Variants in SEMA4B observed in about 807,000 individuals in gnomAD.
The protein encoded by SEMA4B is semaphorin 4B, also known as semaphorin-4B.
Under a neutral mutation model 88.1 loss-of-function variants are expected in SEMA4B, and 55 were observed. The observed-to-expected ratio is 0.62, with a 90% confidence interval of 0.50 to 0.78. SEMA4B has a LOEUF of 0.78. SEMA4B is among the 30% of genes least tolerant of loss of function. The pLI, the probability that SEMA4B is intolerant of heterozygous loss-of-function variation, is 0.00. For missense variants in SEMA4B, 1,062 were observed against 1,111.9 expected (o/e 0.96, Z 0.64); for synonymous variants, 525 against 473.6 (o/e 1.11, Z -1.41).
chr15:90,214,306 CA>C (rs111560034), intron 1 of SEMA4B, among the ~76,000 whole-genome samples: 3,106 of 129,500 alleles, frequency 0.024, 117 homozygotes, highest in African/African-American at 0.088. Flanking sequence ...CCAGCCTGGA[CA>C]ACAAGAGAGA....
chr15:90,198,495 G>T (rs971664205), upstream of SEMA4B, among the ~76,000 whole-genome samples: 5 of 152,180 alleles, frequency 3.3e-5, no homozygotes, highest in African/African-American at 1.2e-4. Flanking sequence ...TATATCGTAT[G>T]TTATTCAGTG....
chr15:90,219,669 T>C, intron 3 of SEMA4B, 124 bp from the exon 4 acceptor site: 1 of 673,526 alleles, frequency 1.5e-6, no homozygotes, highest in Non-Finnish European at 2.5e-6. Context: ...TTCCTAGACT[T>C]GAGTGCCCCA....
At chr15:90,203,809 C>T (rs1356273124) in intron 1 of SEMA4B, among the ~76,000 whole-genome samples, 5 of 152,214 alleles carry the variant, frequency 3.3e-5, no homozygotes, top group Admixed American at 6.5e-5. Flanking sequence ...ACCCCTTCTG[C>T]TATGTTCTTG....
chr15:90,214,946 A>G, intron 1 of SEMA4B: 1 of 1,272,308 alleles, frequency 7.9e-7, no homozygotes, highest in Non-Finnish European at 1.0e-6. Context: ...GGCTGGGGGT[A>G]TGTAAAAACA....
At chr15:90,195,227 G>A (rs1960464415) in intron 1 of SEMA4B, among the ~76,000 whole-genome samples, 1 of 151,972 alleles carries the variant, frequency 6.6e-6, no homozygotes, top group African/African-American at 2.4e-5. Flanking sequence ...TCAAGTAGCT[G>A]GGACTACAGG....
intron 3 of SEMA4B, 97 bp from the exon 4 acceptor site, chr15:90,219,696 C>A: frequency 1.1e-6 from 1 of 885,942 alleles, no homozygotes; most frequent in Non-Finnish European, 1.7e-6. Flanking sequence ...GTCCTGGGAG[C>A]AGAGGCCGGG....
chr15:90,190,285 A>C (rs1044802978), intron 1 of SEMA4B: 4 of 152,282 alleles, frequency 2.6e-5, no homozygotes, highest in African/African-American at 9.7e-5. Context: ...CAGGTGGTGC[A>C]TTCCTCAGAA....
At chr15:90,215,070 G>T in intron 1 of SEMA4B, 1 of 1,053,056 alleles carries the variant, frequency 9.5e-7, no homozygotes. Context: ...CCACTGGTCC[G>T]CTACAACGTG....
intron 1 of SEMA4B, among the ~76,000 whole-genome samples, chr15:90,194,555 T>C (rs562157833): frequency 2.2e-4 from 34 of 152,124 alleles, no homozygotes; most frequent in East Asian, 3.9e-4. Flanking sequence ...AAAAACATAT[T>C]GATCTGTTCT....
In SEMA4B at chr15:90,201,660, C is replaced by A; in HGVS notation, c.82C>A (p.Leu28Ile). Residue 28 changes from leucine (L) to isoleucine (I), a missense_variant, in exon 1 of 14, where the codon CTC becomes ATC. Coordinates refer to ENST00000411539, the MANE Select transcript of SEMA4B (RefSeq NM_198925.4). ...GCCGCCTCGGCCACCGCTGCTGCTG[C>A]TCCTGCTGCTGCTGCTCCTGCTGCA... The part of the protein sequence containing the change: ...ALPPRPPLLL[L>I]LLLLLLLQPP... The A allele has an allele frequency of 6.6e-7, 1 of 1,517,116 alleles. No homozygotes were observed. The highest frequency in any genetic ancestry group is 8.8e-7 in the Non-Finnish European group (1 of 1,139,858). 94.0% of individuals were successfully genotyped at this position (1,517,116 alleles called of 1,614,324 possible).
intron 1 of SEMA4B, among the ~76,000 whole-genome samples, chr15:90,210,430 A>T (rs1399237): frequency 2.0e-5 from 3 of 151,938 alleles, no homozygotes; most frequent in African/African-American, 7.3e-5. Flanking sequence ...GGCCAGGAGC[A>T]GACAGACCTA....
rs752606237 is a variant in SEMA4B at position 90,217,587 on chromosome 15, C to T, written c.306C>T (p.Gly102=). ...GTAGCAACCTCAGCTTCCTGCCAGG[C>T]GGGGAGTACCAGGAGGTGAGAGATG... ...ALSSNLSFLP[G]GEYQELLWGA... The change falls in exon 2 of 14, where the codon GGC becomes GGT. Residue 102 remains glycine (G), a synonymous_variant. Transcript: ENST00000411539. 1.2e-5 allele frequency: 19 copies of T among 1,613,520 alleles called. No individual in the cohort carries two copies. Among genetic ancestry groups the T allele is most frequent in the East Asian group, 2.2e-5 (1 of 44,894 alleles).
chr15:90,228,558 T>A lies in SEMA4B; in HGVS notation c.2429T>A (p.Ile810Asn). ...GAGTCAGAGAAGAGGCCACTCAGCA[T>A]CCAAGACAGCTTCGTGGAGGTATCC... ...FTESEKRPLS[I>N]QDSFVEVSPV... Residue 810 changes from isoleucine (I) to asparagine (N), a missense_variant, in exon 14 of 14, where the codon ATC becomes AAC. Transcript: ENST00000411539. The A allele has an allele frequency of 4.3e-6, 7 of 1,613,566 alleles. No homozygotes were observed. Among genetic ancestry groups the A allele is most frequent in the Non-Finnish European group, 5.9e-6 (7 of 1,179,828 alleles).
At chr15:90,220,450 C>T (rs1961764108) in intron 4 of SEMA4B, among the ~76,000 whole-genome samples, 1 of 147,102 alleles carries the variant, frequency 6.8e-6, no homozygotes, top group Admixed American at 6.8e-5. Context: ...TCACTGCAAG[C>T]TCTGCCTCCT....
At chr15:90,200,205 G>A (rs1052842215), upstream of SEMA4B, among the ~76,000 whole-genome samples, 1 of 152,182 alleles carries the variant, frequency 6.6e-6, no homozygotes, top group African/African-American at 2.4e-5. Flanking sequence ...CCTGAAAGTC[G>A]GGAGGAGAGG....
At chr15:90,186,943 A>C (rs1399344177) in intron 1 of SEMA4B, among the ~76,000 whole-genome samples, 1 of 152,100 alleles carries the variant, frequency 6.6e-6, no homozygotes, top group East Asian at 1.9e-4. Flanking sequence ...AAAAAATAAT[A>C]ATAATAAAAA....
chr15:90,225,254 C>T, intron 10 of SEMA4B, 28 bp from the exon 11 acceptor site: 1 of 1,554,354 alleles, frequency 6.4e-7, no homozygotes, highest in Non-Finnish European at 8.7e-7. Flanking sequence ...GGGCTCCACC[C>T]AGGGCCTGAG....
chr15:90,201,227 G>A (rs989214592), upstream of SEMA4B: 21 of 823,294 alleles, frequency 2.6e-5, no homozygotes, highest in South Asian at 5.6e-5. Flanking sequence ...AGCGCCCCGA[G>A]CTGCCGCCCC....
At chr15:90,199,121 G>A (rs1459271728), upstream of SEMA4B, among the ~76,000 whole-genome samples, 7 of 152,044 alleles carry the variant, frequency 4.6e-5, no homozygotes, top group South Asian at 2.1e-4. Context: ...TGATCTGCCC[G>A]CCTCGGCCCA....
Sources: allele counts gnomAD v4.1 joint callset (sites outside exome capture counted in the v4.1 genomes callset), GRCh38; gene constraint gnomAD v4.1.1; transcripts MANE v1.5; gene names NCBI Gene and HGNC (gene_info 2026-07-23, HGNC 2026-07-21).